MALRD1: variants seen among roughly 807,000 people sequenced by gnomAD.
MALRD1 encodes MAM and LDL-receptor class A domain-containing protein 1.
A neutral mutation model predicts 242.1 loss-of-function variants in MALRD1; 247 were observed. That is an observed-to-expected ratio of 1.02 (90% CI 0.92 to 1.13). MALRD1 has a LOEUF of 1.13. Ranked by LOEUF, MALRD1 falls within the 50% of genes most tolerant of loss-of-function variation. MALRD1 has a pLI of 0.00. For missense variants in MALRD1, 2,989 were observed against 2,533.1 expected (o/e 1.18, Z -3.86); for synonymous variants, 995 against 866.6 (o/e 1.15, Z -2.60).
rs543038217 is a variant in MALRD1 at position 19,484,706 on chromosome 10, A to G, written c.5030-6811A>G. Among the ~76,000 whole-genome samples, 21 of 152,378 alleles carry G rather than the reference A, an allele frequency of 1.4e-4. No individual in the cohort carries two copies. The South Asian group carries it at 3.7e-3, about 27-fold the overall frequency. On this transcript the variant is annotated intron_variant, in intron 29 of 39. Coordinates refer to ENST00000454679, the MANE Select transcript of MALRD1 (RefSeq NM_001142308.3). ...GGCACAGATATTGTTAAAAGGGAACATTTATACACCACTGATGGAAATGTA... is the reference window on the plus strand; with the variant it reads ...GGCACAGATATTGTTAAAAGGGAACGTTTATACACCACTGATGGAAATGTA...
At chr10:19,301,744 A>T (rs951473665) in intron 21 of MALRD1, among the ~76,000 whole-genome samples, 1 of 151,668 alleles carries the variant, frequency 6.6e-6, no homozygotes, top group Non-Finnish European at 1.5e-5. Flanking sequence ...CGAGGATTGA[A>T]ATGCTACCTG....
intron 18 of MALRD1, among the ~76,000 whole-genome samples, chr10:19,230,476 G>A (rs935007835): frequency 1.3e-5 from 2 of 152,080 alleles, no homozygotes; most frequent in African/African-American, 2.4e-5. Flanking sequence ...AGAGAGACAG[G>A]GAGGAGGTGT....
intron 18 of MALRD1, among the ~76,000 whole-genome samples, chr10:19,231,610 C>A (rs1266740402): frequency 6.6e-6 from 1 of 152,124 alleles, no homozygotes; most frequent in East Asian, 1.9e-4. Flanking sequence ...ATGGGAGTTT[C>A]CCTACACAAG....
chr10:19,606,011 C>T (rs1423210151), intron 34 of MALRD1, among the ~76,000 whole-genome samples: 1 of 152,024 alleles, frequency 6.6e-6, no homozygotes, highest in Non-Finnish European at 1.5e-5. Context: ...TTTTCAGAGT[C>T]AGCGTTTTCA....
chr10:19,647,310 C>A (rs1840701952), intron 36 of MALRD1, among the ~76,000 whole-genome samples: 1 of 152,164 alleles, frequency 6.6e-6, no homozygotes, highest in South Asian at 2.1e-4. Flanking sequence ...TATGCCATTT[C>A]TACTGTGTTT....
intron 31 of MALRD1, among the ~76,000 whole-genome samples, chr10:19,524,033 T>G (rs2131325181): frequency 6.6e-6 from 1 of 152,256 alleles, no homozygotes; most frequent in African/African-American, 2.4e-5. Flanking sequence ...AAAAAGCAAA[T>G]CAGAATAATG....
At chr10:19,588,801 C>G (rs1837591478) in intron 33 of MALRD1, among the ~76,000 whole-genome samples, 1 of 152,158 alleles carries the variant, frequency 6.6e-6, no homozygotes, top group Admixed American at 6.5e-5. Flanking sequence ...CACTACCATG[C>G]CTGTCTAATT....
At chr10:19,677,538 GTT>G (rs985180007) in intron 36 of MALRD1, among the ~76,000 whole-genome samples, 4 of 152,038 alleles carry the variant, frequency 2.6e-5, no homozygotes, top group African/African-American at 9.7e-5. Context: ...TTGTAAATTT[GTT>G]TAAGTCCCTT....
Position 19,384,632 on chromosome 10 carries a change from TATA to T in MALRD1, c.4442-2892_4442-2890del, listed in dbSNP as rs539911822. Among the ~76,000 whole-genome samples, 793 of 132,684 alleles carry T rather than the reference TATA, an allele frequency of 6.0e-3. 14 individuals are homozygous for T. Among genetic ancestry groups the T allele is most frequent in the African/African-American group, 0.021 (766 of 35,632 alleles). 87.0% of individuals were successfully genotyped at this position (132,684 alleles called of 152,430 possible). A position where few individuals can be genotyped will look rare whatever the true frequency, so the allele number is the denominator to read the frequency against. ...ATATATAATATAATATTTACTATAA[TATA>T]ATATATAGTATATATAATATAATAT... On this transcript the variant is annotated intron_variant, in intron 26 of 39. Coordinates refer to ENST00000454679, the MANE Select transcript of MALRD1 (RefSeq NM_001142308.3).
intron 31 of MALRD1, among the ~76,000 whole-genome samples, chr10:19,516,411 A>C (rs35984245): frequency 6.6e-6 from 1 of 151,964 alleles, no homozygotes; most frequent in Non-Finnish European, 1.5e-5. Context: ...ATACAGAGAA[A>C]CATTTCTTAT....
chr10:19,068,846 G>A (rs1006287183), intron 2 of MALRD1, among the ~76,000 whole-genome samples: 3 of 152,080 alleles, frequency 2.0e-5, no homozygotes, highest in Non-Finnish European at 4.4e-5. Context: ...TGTAACCAAT[G>A]CCTTGAGTGG....
chr10:19,483,757 C>G (rs1055886677), intron 29 of MALRD1, among the ~76,000 whole-genome samples: 3 of 152,068 alleles, frequency 2.0e-5, no homozygotes, highest in Non-Finnish European at 4.4e-5. Flanking sequence ...TTCAACTCAG[C>G]AATCCCATTA....
intron 33 of MALRD1, among the ~76,000 whole-genome samples, chr10:19,578,105 T>A (rs1262015523): frequency 6.6e-6 from 1 of 151,800 alleles, no homozygotes; most frequent in Non-Finnish European, 1.5e-5. Context: ...AATAGGAGAA[T>A]GCAACACTGT....
At position 19,167,849 on chromosome 10, in the gene MALRD1, A is replaced by G. The variant is rs571080011; in HGVS notation, c.1830+2039A>G. Among the ~76,000 whole-genome samples, 8 of 152,272 alleles carry G rather than the reference A, an allele frequency of 5.3e-5. No homozygotes were observed. The South Asian group carries it at 1.7e-3, about 32-fold the overall frequency. ...AGTAACAGCAATGTTACTACAGTGAACCACCTCCCCATGAAAGCAGGAAGA... is the reference window on the plus strand; with the variant it reads ...AGTAACAGCAATGTTACTACAGTGAGCCACCTCCCCATGAAAGCAGGAAGA... On this transcript the variant is annotated intron_variant, in intron 13 of 39. Coordinates refer to ENST00000454679, the MANE Select transcript of MALRD1 (RefSeq NM_001142308.3).
rs1322913738 is a variant in MALRD1 at position 19,296,803 on chromosome 10, CT to C, written c.3419+13624del. Among the ~76,000 whole-genome samples, 7 of 151,626 alleles carry C rather than the reference CT, an allele frequency of 4.6e-5. No homozygotes were observed. The South Asian group carries it at 1.5e-3, about 31-fold the overall frequency. ...TGAAGCAATTGTTAATTATGTTATA[CT>C]TGTTCTCTTTGAAAAGACATTTGTG... On this transcript the variant is annotated intron_variant, in intron 21 of 39. Transcript: ENST00000454679.
At chr10:19,530,384 AT>A (rs372479667) in intron 31 of MALRD1, among the ~76,000 whole-genome samples, 3 of 9,948 alleles carry the variant, frequency 3.0e-4, no homozygotes, top group Non-Finnish European at 5.5e-4. Flanking sequence ...TATAAATATT[AT>A]ATATTTATAT....
chr10:19,493,844 T>C (rs546670461), intron 30 of MALRD1, among the ~76,000 whole-genome samples: 4 of 152,006 alleles, frequency 2.6e-5, no homozygotes, highest in African/African-American at 9.6e-5. Context: ...ACGACAAAAG[T>C]GTATTTTTAA....
chr10:19,376,155 CAAAAA>C (rs1333686444), intron 26 of MALRD1, among the ~76,000 whole-genome samples: 1 of 151,902 alleles, frequency 6.6e-6, no homozygotes. Context: ...AAAACAAAAA[CAAAAA>C]AAACTTCGAG....
rs1023641824 is a variant in MALRD1, at chr10:19,433,368, G to A, written c.4846-16939G>A. ...ATGTCCTGAGATGGGAGGGATCTTG[G>A]GTAATTGGAAGACTCTTTGAAAGGG... On this transcript the variant is annotated intron_variant, in intron 28 of 39. Transcript: ENST00000454679. Among the ~76,000 whole-genome samples, 4 of 152,090 alleles carry A rather than the reference G, an allele frequency of 2.6e-5. No individual in the cohort carries two copies. In the East Asian group the frequency reaches 7.7e-4, roughly 29 times the overall value.
Sources: gnomAD v4.1 joint callset for allele counts (sites outside exome capture counted in the v4.1 genomes callset) on GRCh38, gnomAD v4.1.1 for gene constraint, MANE v1.5 for transcripts, NCBI Gene and HGNC (gene_info 2026-07-23, HGNC 2026-07-21) for gene names.